Variants in MYL11 observed in about 807,000 individuals in gnomAD.
MYL11 encodes the protein myosin regulatory light chain 11.
the MYL11 span, chr16:30,374,655 G>A: frequency 1.8e-6 from 1 of 568,250 alleles, no homozygotes; most frequent in South Asian, 2.4e-5. Flanking sequence ...CTGGGCTCCA[G>A]CTGCTGCCAG....
chr16:30,376,436 G>C, the MYL11 span: 5 of 1,613,704 alleles, frequency 3.1e-6, no homozygotes, highest in South Asian at 4.4e-5. Flanking sequence ...GCCTCAATGT[G>C]AAGAATGAGG....
chr16:30,377,208 C>T, the MYL11 span, among the ~76,000 whole-genome samples: 4 of 151,066 alleles, frequency 2.6e-5, no homozygotes, highest in African/African-American at 9.8e-5. Flanking sequence ...AGCAAAACTC[C>T]GTCTCCAAAA....
the MYL11 span, among the ~76,000 whole-genome samples, chr16:30,371,211 T>G: frequency 3.3e-5 from 5 of 152,124 alleles, no homozygotes; most frequent in Non-Finnish European, 7.4e-5. Context: ...ACAAGCCTTA[T>G]GGGAGGGTGA....
the MYL11 span, among the ~76,000 whole-genome samples, chr16:30,371,923 T>G: frequency 6.6e-6 from 1 of 152,168 alleles, no homozygotes; most frequent in African/African-American, 2.4e-5. Flanking sequence ...GACCCCCATA[T>G]TCTGATTTCC....
the MYL11 span, chr16:30,376,807 C>A: frequency 8.9e-7 from 1 of 1,119,208 alleles, no homozygotes. Context: ...TGGCTCAGGC[C>A]TATAATCCCA....
chr16:30,374,633 C>A, the MYL11 span: 69 of 544,382 alleles, frequency 1.3e-4, no homozygotes, highest in Middle Eastern at 4.8e-4. Context: ...CATGCTCCCC[C>A]CTTCCTCCCC....
At chr16:30,377,769 G>A in the MYL11 span, 2 of 1,612,310 alleles carry the variant, frequency 1.2e-6, 1 homozygote, top group Admixed American at 3.3e-5. Flanking sequence ...AAGGGCCTGT[G>A]CGAGACGCCC....
the MYL11 span, chr16:30,375,762 C>T: frequency 7.1e-7 from 1 of 1,417,660 alleles, no homozygotes; most frequent in South Asian, 1.2e-5. Flanking sequence ...AATCCATTGC[C>T]CCCAGAGAGG....
chr16:30,377,853 A>C, the MYL11 span: 5 of 1,614,096 alleles, frequency 3.1e-6, no homozygotes, highest in South Asian at 5.5e-5. Context: ...CGACTACAAA[A>C]ACATCTGCTA....
At chr16:30,377,752 G>A in the MYL11 span, 6 of 1,595,392 alleles carry the variant, frequency 3.8e-6, no homozygotes, top group East Asian at 6.8e-5. Flanking sequence ...CTGGGGCCGG[G>A]GAGACTAAGG....
chr16:30,376,173 A>C, the MYL11 span: 1 of 1,614,040 alleles, frequency 6.2e-7, no homozygotes, highest in Non-Finnish European at 8.5e-7. Flanking sequence ...CAGAACCGTG[A>C]TGGTATTATA....
At chr16:30,377,921 T>G in the MYL11 span, 1 of 1,591,992 alleles carries the variant, frequency 6.3e-7, no homozygotes. Flanking sequence ...GGGCCTCCGC[T>G]GCCCGACGCT....
chr16:30,377,932 T>G, the MYL11 span: 1 of 1,580,314 alleles, frequency 6.3e-7, no homozygotes, highest in Non-Finnish European at 8.7e-7. Context: ...GCCCGACGCT[T>G]CTGTTCGGCC....
the MYL11 span, chr16:30,376,651 C>T: frequency 6.2e-7 from 1 of 1,614,030 alleles, no homozygotes; most frequent in Non-Finnish European, 8.5e-7. Flanking sequence ...TCACCGGAGC[C>T]TTCAAGGTCT....
chr16:30,374,827 G>A, the MYL11 span: 1 of 1,613,058 alleles, frequency 6.2e-7, no homozygotes, highest in Non-Finnish European at 8.5e-7. Flanking sequence ...TCCAGCCGGA[G>A]CCGCTGCCTT....
At chr16:30,377,677 A>C in the MYL11 span, 1 of 1,540,710 alleles carries the variant, frequency 6.5e-7, no homozygotes, top group Non-Finnish European at 8.8e-7. Flanking sequence ...CTGACCACGC[A>C]GTGTGACCGC....
At chr16:30,373,612 A>C in the MYL11 span, among the ~76,000 whole-genome samples, 3 of 151,236 alleles carry the variant, frequency 2.0e-5, no homozygotes, top group South Asian at 2.1e-4. Context: ...AAAAAAAAAA[A>C]GTAGCTGGGC....
the MYL11 span, chr16:30,374,983 G>A: frequency 5.5e-6 from 7 of 1,278,708 alleles, no homozygotes; most frequent in African/African-American, 7.5e-5. Flanking sequence ...TCTCTTTCTC[G>A]GCATCACTGA....
chr16:30,375,971 C>A, the MYL11 span: 1 of 1,567,540 alleles, frequency 6.4e-7, no homozygotes, highest in Non-Finnish European at 8.8e-7. Flanking sequence ...CTGGCCCTCT[C>A]CCTGGAATGT....
Sources: allele counts gnomAD v4.1 joint callset (sites outside exome capture counted in the v4.1 genomes callset), GRCh38; gene constraint gnomAD v4.1.1; transcripts MANE v1.5; gene names NCBI Gene and HGNC (gene_info 2026-07-23, HGNC 2026-07-21).